Variants in PCDHGB5 observed in about 807,000 individuals in gnomAD.
The protein encoded by PCDHGB5 is protocadherin gamma-B5.
In PCDHGB5, 48 loss-of-function variants were observed where a neutral mutation model predicts 62.9. The ratio of observed to expected loss-of-function variants is 0.76; its 90% CI spans 0.61 to 0.97. The LOEUF (loss-of-function observed/expected upper bound fraction) is 0.97, where lower values mean the gene tolerates loss of function less well. Among genes scored for constraint, PCDHGB5 ranks in the 50% least tolerant of loss-of-function variants. The pLI is 0.00. For synonymous variants in PCDHGB5, 474 were observed against 511.2 expected (o/e 0.93, Z 0.98); for missense variants, 1,118 against 1,198.6 (o/e 0.93, Z 0.99).
At chr5:141,478,884 C>A in intron 1 of PCDHGB5, 1 of 1,194,298 alleles carries the variant, frequency 8.4e-7, no homozygotes, top group Non-Finnish European at 1.1e-6. Flanking sequence ...AGCTTGGTAT[C>A]ATTTACATTA....
At chr5:141,460,569 T>C (rs1234392082) in intron 1 of PCDHGB5, among the ~76,000 whole-genome samples, 2 of 152,100 alleles carry the variant, frequency 1.3e-5, no homozygotes, top group Admixed American at 1.3e-4. Context: ...GCCATGGACA[T>C]ATGTAGGTGT....
At chr5:141,478,169 G>T in intron 1 of PCDHGB5, 1 of 1,613,834 alleles carries the variant, frequency 6.2e-7, no homozygotes, top group Non-Finnish European at 8.5e-7. Flanking sequence ...TGCCCCCCGG[G>T]AGCAGAAAAA....
chr5:141,473,151 T>C (rs2099315238), intron 1 of PCDHGB5, among the ~76,000 whole-genome samples: 1 of 152,242 alleles, frequency 6.6e-6, no homozygotes. Context: ...TTCAGATCAC[T>C]AGGGCTAGGA....
chr5:141,422,520 G>T, intron 1 of PCDHGB5: 2 of 1,613,946 alleles, frequency 1.2e-6, no homozygotes, highest in Middle Eastern at 1.6e-4. Flanking sequence ...AGGGAAGCCC[G>T]CCTTTGTCTG....
Position 141,500,251 on chromosome 5 carries a change from C to T in PCDHGB5, c.2457-5142C>T, listed in dbSNP as rs187199142. Among the ~76,000 whole-genome samples, 1,493 of 151,438 alleles carry T rather than the reference C, an allele frequency of 9.9e-3. 32 individuals are homozygous for T. Among genetic ancestry groups the T allele is most frequent in the African/African-American group, 0.035 (1,426 of 41,214 alleles). Reference sequence around the variant, plus strand: ...TGATACGTAGCCTTGCTCTGTCACCCAGGCTGGACTGCAGTGGCGCAATCT... The same window carrying T: ...TGATACGTAGCCTTGCTCTGTCACCTAGGCTGGACTGCAGTGGCGCAATCT... On this transcript the variant is annotated intron_variant, in intron 2 of 3. Coordinates refer to ENST00000617380, the MANE Select transcript of PCDHGB5 (RefSeq NM_018925.3).
rs1356654620 is a variant in PCDHGB5 at position 141,490,430 on chromosome 5, TTAA to T, written c.2398-4376_2398-4374del. On this transcript the variant is annotated intron_variant, in intron 1 of 3. Coordinates refer to ENST00000617380, the MANE Select transcript of PCDHGB5 (RefSeq NM_018925.3). The surrounding 1 kb of genome is among the most constrained non-coding windows in gnomAD (Gnocchi z 5.4). ...ATCTCTCCGGACCTGCCATTTCAGA[TTAA>T]GCCTTCTGAGAACCACTACTCGCTG... 1 of 1,614,162 alleles carries T rather than the reference TTAA, an allele frequency of 6.2e-7. No individual in the cohort carries two copies.
At chr5:141,403,074 A>G (rs777613681) in intron 1 of PCDHGB5, 9 of 1,614,088 alleles carry the variant, frequency 5.6e-6, no homozygotes, top group Non-Finnish European at 6.8e-6. Flanking sequence ...GAGACAGAAA[A>G]GGGCTATATT....
intron 1 of PCDHGB5, chr5:141,428,910 A>C (rs956124609): frequency 1.3e-5 from 2 of 151,302 alleles, no homozygotes; most frequent in Non-Finnish European, 2.9e-5. Context: ...GCTGGAGTGC[A>C]GTGGCATGAT....
chr5:141,451,978 T>A (rs1329730658), intron 1 of PCDHGB5, among the ~76,000 whole-genome samples: 1 of 152,188 alleles, frequency 6.6e-6, no homozygotes, highest in Non-Finnish European at 1.5e-5. Flanking sequence ...TTTGCTGTAG[T>A]TTGTTCATTA....
chr5:141,404,787 G>A (rs1561696267), intron 1 of PCDHGB5: 23 of 1,613,988 alleles, frequency 1.4e-5, no homozygotes, highest in Non-Finnish European at 1.9e-5. Context: ...TTCAAGGCCA[G>A]TGAGCCAGGG....
intron 2 of PCDHGB5, among the ~76,000 whole-genome samples, chr5:141,499,022 A>C (rs1244590420): frequency 2.7e-5 from 4 of 150,722 alleles, no homozygotes; most frequent in Admixed American, 2.0e-4. Context: ...GGAAGGAAGG[A>C]AGGAAGAAAA....
Position 141,490,970 on chromosome 5 carries a change from A to G in PCDHGB5, c.2398-3837A>G. ...CCAGACTGGGAACACTCAGCCCCCC[A>G]GCGTCTCCCTCGCTCTGCTCCTCCT... On this transcript the variant is annotated intron_variant, in intron 1 of 3. Coordinates refer to ENST00000617380, the MANE Select transcript of PCDHGB5 (RefSeq NM_018925.3). This position sits in a 1 kb window ranked among gnomAD's most constrained non-coding sequence, Gnocchi z 5.4. 1 of 1,613,858 alleles carries G rather than the reference A, an allele frequency of 6.2e-7. No individual in the cohort carries two copies. Among genetic ancestry groups the G allele is most frequent in the South Asian group, 1.1e-5 (1 of 91,062 alleles).
intron 1 of PCDHGB5, chr5:141,441,801 G>A (rs954094882): frequency 7.8e-6 from 3 of 384,492 alleles, no homozygotes; most frequent in African/African-American, 4.4e-5. Flanking sequence ...CGCACCGCGG[G>A]TGCTGTACCC....
intron 1 of PCDHGB5, chr5:141,417,894 G>A (rs751319373): frequency 1.3e-5 from 21 of 1,573,688 alleles, no homozygotes; most frequent in African/African-American, 2.7e-5. Context: ...CGCCGGGCCG[G>A]CCCGCGGCAG....
intron 2 of PCDHGB5, among the ~76,000 whole-genome samples, chr5:141,503,075 G>C (rs1373753092): frequency 6.6e-6 from 1 of 151,438 alleles, no homozygotes; most frequent in Non-Finnish European, 1.5e-5. Context: ...GAATGGTCTC[G>C]ATCTCCTGAC....
chr5:141,476,747 C>A lies in PCDHGB5; in HGVS notation c.2398-18060C>A. 1 of 1,614,066 alleles carries A rather than the reference C, an allele frequency of 6.2e-7. No homozygotes were observed. The highest frequency in any genetic ancestry group is 1.3e-5 in the African/African-American group (1 of 75,074). On this transcript the variant is annotated intron_variant, in intron 1 of 3. Transcript: ENST00000617380. The surrounding 1 kb of genome is among the most constrained non-coding windows in gnomAD (Gnocchi z 7.6). ...GGACCGAGAACGGGAGCCTAGTCTCCAGTTAGTGCTGACGGCGTTGGACGG... is the reference window on the plus strand; with the variant it reads ...GGACCGAGAACGGGAGCCTAGTCTCAAGTTAGTGCTGACGGCGTTGGACGG...
chr5:141,443,947 T>C (rs2098410978), intron 1 of PCDHGB5, among the ~76,000 whole-genome samples: 1 of 152,082 alleles, frequency 6.6e-6, no homozygotes, highest in Non-Finnish European at 1.5e-5. Flanking sequence ...GGTTTCCTTA[T>C]TGGTATGTAT....
chr5:141,494,546 G>T (rs984336435), intron 1 of PCDHGB5, among the ~76,000 whole-genome samples: 1 of 152,152 alleles, frequency 6.6e-6, no homozygotes, highest in African/African-American at 2.4e-5. Context: ...GGAGGAAGGG[G>T]CCATTTCTTT....
In PCDHGB5 at chr5:141,432,961, A is replaced by T. The variant is rs1457416543; in HGVS notation, c.2397+32437A>T. The T allele has an allele frequency of 1.5e-5, 25 of 1,613,952 alleles. 1 individual carries two copies. The South Asian group carries it at 2.3e-4, about 15-fold the overall frequency. ...AGGCTTCAGGAGGCGGCTTGACAGG[A>T]GCGCCGGCGTCGCACTTTGTGGGCG... On this transcript the variant is annotated intron_variant, in intron 1 of 3. Coordinates refer to ENST00000617380, the MANE Select transcript of PCDHGB5 (RefSeq NM_018925.3). This position sits in a 1 kb window ranked among gnomAD's most constrained non-coding sequence, Gnocchi z 6.0.
Sources: gnomAD v4.1 joint callset for allele counts (sites outside exome capture counted in the v4.1 genomes callset) on GRCh38, gnomAD v4.1.1 for gene constraint, Gnocchi (gnomAD v3.1) non-coding constraint, MANE v1.5 for transcripts, NCBI Gene and HGNC (gene_info 2026-07-23, HGNC 2026-07-21) for gene names.